Variants in PCDH11X observed in about 807,000 individuals in gnomAD.
The protein encoded by PCDH11X is protocadherin 11 X-linked.
In PCDH11X, 18 loss-of-function variants were observed where a neutral mutation model predicts 53.3. The ratio of observed to expected loss-of-function variants is 0.34; its 90% confidence interval spans 0.23 to 0.50. The LOEUF (loss-of-function observed/expected upper bound fraction) is 0.50, where lower values mean the gene tolerates loss of function less well. PCDH11X is among the 20% of genes least tolerant of loss of function. The pLI is 0.98. For missense variants in PCDH11X, 570 were observed against 1,032.4 expected (o/e 0.55, Z 6.14); for synonymous variants, 279 against 393.3 (o/e 0.71, Z 3.44).
intron 6 of PCDH11X, among the ~76,000 whole-genome samples, chrX:91,976,898 AT>A (rs2062054429): frequency 8.9e-6 from 1 of 111,739 alleles, no homozygotes; most frequent in Admixed American, 9.6e-5. Context: ...ATTATTTGTG[AT>A]CAGGTTAGCT....
chrX:92,420,545 T>A (rs1470068251), intron 9 of PCDH11X: 3 of 348,725 alleles, frequency 8.6e-6, no homozygotes, highest in African/African-American at 7.9e-5. Flanking sequence ...CCAAGGAGGG[T>A]TTTTAATGGA....
chrX:92,279,404 C>A (rs897942015), intron 8 of PCDH11X, among the ~76,000 whole-genome samples: 5 of 112,028 alleles, frequency 4.5e-5, no homozygotes, highest in Admixed American at 3.8e-4. Flanking sequence ...TGTAGTGGAG[C>A]AAATCACAAA....
chrX:92,102,126 G>C (rs1373941848), intron 6 of PCDH11X, among the ~76,000 whole-genome samples: 2 of 111,216 alleles, frequency 1.8e-5, no homozygotes, highest in African/African-American at 6.6e-5. Context: ...TGGGAGGCCA[G>C]ATTGAAGTCC....
chrX:91,929,728 T>A (rs900729830), intron 6 of PCDH11X, among the ~76,000 whole-genome samples: 1 of 111,684 alleles, frequency 9.0e-6, no homozygotes, highest in African/African-American at 3.2e-5. Flanking sequence ...GCAAGTATAA[T>A]GACTCCATTG....
At chrX:92,476,029 A>G (rs2073375386) in intron 10 of PCDH11X, among the ~76,000 whole-genome samples, 1 of 111,681 alleles carries the variant, frequency 9.0e-6, no homozygotes, top group South Asian at 3.8e-4. Flanking sequence ...CATAATTCCC[A>G]TGGGTTGTGG....
At chrX:91,816,448 T>C (rs1936454499) in intron 4 of PCDH11X, among the ~76,000 whole-genome samples, 1 of 111,500 alleles carries the variant, frequency 9.0e-6, no homozygotes, top group African/African-American at 3.3e-5. Flanking sequence ...TAATGGCTTT[T>C]ACTAGTTATT....
chrX:92,150,701 A>G (rs1488881861), intron 6 of PCDH11X, among the ~76,000 whole-genome samples: 7 of 111,304 alleles, frequency 6.3e-5, no homozygotes, highest in Non-Finnish European at 1.1e-4. Context: ...GTATTTAGAT[A>G]TTACTTAATT....
intron 6 of PCDH11X, among the ~76,000 whole-genome samples, chrX:92,009,700 CTTTT>C (rs68159170): frequency 1.5e-5 from 1 of 66,642 alleles, no homozygotes; most frequent in African/African-American, 5.6e-5. Flanking sequence ...TGACTGTTGC[CTTTT>C]TTTTTTTTTT....
At chrX:92,236,304 A>T (rs989704891) in intron 7 of PCDH11X, among the ~76,000 whole-genome samples, 3 of 111,382 alleles carry the variant, frequency 2.7e-5, no homozygotes, top group Non-Finnish European at 5.7e-5. Context: ...AGGGAAGCAG[A>T]TTTTTTTAAT....
chrX:92,006,571 C>T lies in PCDH11X; in HGVS notation c.3033+127298C>T, dbSNP rs763416620. Reference sequence around the variant, plus strand: ...AACACAGCTATTTTGAATTATCTGTCTGCAAGGTCACATACCCCTGTTCCT... The same window carrying T: ...AACACAGCTATTTTGAATTATCTGTTTGCAAGGTCACATACCCCTGTTCCT... On this transcript the variant is annotated intron_variant, in intron 6 of 10. Coordinates refer to ENST00000682573, the MANE Select transcript of PCDH11X (RefSeq NM_032968.5). Among the ~76,000 whole-genome samples, 3 of 111,015 alleles carry T rather than the reference C, an allele frequency of 2.7e-5. No homozygotes were observed. In the South Asian group the frequency reaches 1.2e-3, roughly 43 times the overall value.
At chrX:92,602,508 C>T (rs72608344) in intron 10 of PCDH11X, among the ~76,000 whole-genome samples, 25,439 of 109,681 alleles carry the variant, frequency 0.23, 2,358 homozygotes, top group African/African-American at 0.3. Context: ...CGAAAACAAT[C>T]AAGCAATCAG....
chrX:92,038,652 G>C (rs2063165218), intron 6 of PCDH11X, among the ~76,000 whole-genome samples: 1 of 109,780 alleles, frequency 9.1e-6, no homozygotes, highest in Non-Finnish European at 1.9e-5. Flanking sequence ...GCCAGGGGTG[G>C]AATGATATGG....
intron 6 of PCDH11X, among the ~76,000 whole-genome samples, chrX:91,942,721 G>A (rs1187338057): frequency 1.8e-5 from 2 of 110,186 alleles, no homozygotes; most frequent in African/African-American, 6.6e-5. Context: ...GGCCAGCATT[G>A]CCCTGATAAA....
intron 10 of PCDH11X, among the ~76,000 whole-genome samples, chrX:92,573,974 T>G (rs112664276): frequency 0.033 from 3,602 of 110,616 alleles, 157 homozygotes; most frequent in African/African-American, 0.11. Flanking sequence ...CTGAATGGCT[T>G]TTCCCGGCAG....
intron 9 of PCDH11X, among the ~76,000 whole-genome samples, chrX:92,417,820 AT>A (rs61034265): frequency 6.2e-4 from 42 of 67,528 alleles, no homozygotes; most frequent in South Asian, 1.1e-3. Flanking sequence ...CTTTTCTTCC[AT>A]TTTTTTTTTT....
chrX:92,278,961 G>C, intron 8 of PCDH11X, among the ~76,000 whole-genome samples: 1 of 109,727 alleles, frequency 9.1e-6, no homozygotes, highest in Middle Eastern at 4.7e-3. Flanking sequence ...ACAGGCGTGT[G>C]CCACCACGCC....
intron 6 of PCDH11X, among the ~76,000 whole-genome samples, chrX:91,936,822 C>A (rs2061450645): frequency 1.9e-5 from 2 of 107,744 alleles, no homozygotes; most frequent in African/African-American, 6.7e-5. Flanking sequence ...GGGCTTAACA[C>A]TTTACCTTTT....
At chrX:92,230,421 A>T (rs1177875521) in intron 7 of PCDH11X, among the ~76,000 whole-genome samples, 2 of 59,648 alleles carry the variant, frequency 3.4e-5, no homozygotes, top group African/African-American at 5.8e-5. Context: ...TATATATATA[A>T]TATATAAATA....
chrX:92,256,897 CT>C (rs1323280696), intron 7 of PCDH11X, among the ~76,000 whole-genome samples: 3 of 110,642 alleles, frequency 2.7e-5, no homozygotes, highest in Non-Finnish European at 3.8e-5. Context: ...GATCTCAGTC[CT>C]TTTTTTTCCG....
Sources: gnomAD v4.1 joint callset for allele counts (sites outside exome capture counted in the v4.1 genomes callset) on GRCh38, gnomAD v4.1.1 for gene constraint, MANE v1.5 for transcripts, NCBI Gene and HGNC (gene_info 2026-07-23, HGNC 2026-07-21) for gene names.